The following DLGAP2 variants were observed in gnomAD, a reference collection of about 807,000 sequenced individuals.
DLGAP2 encodes DLG associated protein 2.
Under a neutral mutation model 100.3 loss-of-function variants are expected in DLGAP2, and 26 were observed. The observed-to-expected ratio is 0.26, with a 90% CI of 0.19 to 0.36. The LOEUF (loss-of-function observed/expected upper bound fraction) is 0.36. Among genes scored for constraint, DLGAP2 ranks in the 10% least tolerant of loss-of-function variants. The probability of loss-of-function intolerance (pLI) is 1.00; values close to 1 mark genes in which losing one functional copy is unlikely to be tolerated. For missense variants in DLGAP2, 1,858 were observed against 1,453.2 expected, an observed-to-expected ratio of 1.28 and a Z score of -4.53; for synonymous variants, 886 against 630.1, an observed-to-expected ratio of 1.41 and a Z score of -6.08.
intron 3 of DLGAP2, among the ~76,000 whole-genome samples, chr8:1,282,922 C>A (rs7829934): frequency 9.4e-6 from 1 of 106,536 alleles, no homozygotes; most frequent in African/African-American, 3.0e-5. Flanking sequence ...AGCACGTGAA[C>A]CATCCAGACA....
intron 8 of DLGAP2, among the ~76,000 whole-genome samples, chr8:1,657,283 T>C (rs1312051163): frequency 1.3e-5 from 2 of 152,228 alleles, no homozygotes; most frequent in Non-Finnish European, 2.9e-5. Flanking sequence ...CATTGCTAAA[T>C]TAAATTTTGA....
At chr8:789,442 AT>A (rs1359693643) in intron 1 of DLGAP2, among the ~76,000 whole-genome samples, 3 of 152,148 alleles carry the variant, frequency 2.0e-5, no homozygotes, top group Non-Finnish European at 2.9e-5. Context: ...GCAAGGGGAA[AT>A]CCACCCCTGT....
chr8:1,424,959 T>C (rs1319233159), intron 3 of DLGAP2, among the ~76,000 whole-genome samples: 1 of 152,174 alleles, frequency 6.6e-6, no homozygotes, highest in African/African-American at 2.4e-5. Flanking sequence ...CAGTGATGGC[T>C]GCACAACAAT....
intron 2 of DLGAP2, among the ~76,000 whole-genome samples, chr8:938,708 G>C (rs535515871): frequency 6.6e-6 from 1 of 152,208 alleles, no homozygotes; most frequent in Non-Finnish European, 1.5e-5. Context: ...CTCAGCTTGT[G>C]GGGGGCTGTG....
At chr8:941,407 C>A (rs1799192324) in intron 2 of DLGAP2, among the ~76,000 whole-genome samples, 1 of 152,118 alleles carries the variant, frequency 6.6e-6, no homozygotes, top group South Asian at 2.1e-4. Context: ...GCTTTGTCAG[C>A]CAAGGGTCTG....
At chr8:1,411,932 G>C (rs970245927) in intron 3 of DLGAP2, among the ~76,000 whole-genome samples, 1 of 152,142 alleles carries the variant, frequency 6.6e-6, no homozygotes, top group Non-Finnish European at 1.5e-5. Flanking sequence ...ATGCTTCCAC[G>C]CCAGTATCCT....
At chr8:1,264,381 C>T (rs934589745) in intron 3 of DLGAP2, among the ~76,000 whole-genome samples, 6 of 152,076 alleles carry the variant, frequency 3.9e-5, no homozygotes, top group Non-Finnish European at 7.4e-5. Context: ...CCAGCTTCCC[C>T]GTTTGTGAGA....
chr8:1,008,494 A>G (rs1801185381), intron 2 of DLGAP2, among the ~76,000 whole-genome samples: 1 of 152,260 alleles, frequency 6.6e-6, no homozygotes, highest in African/African-American at 2.4e-5. Context: ...ATTTGTATAT[A>G]AAATCATATT....
intron 1 of DLGAP2, among the ~76,000 whole-genome samples, chr8:893,555 G>C (rs1376636435): frequency 6.6e-6 from 1 of 152,216 alleles, no homozygotes; most frequent in Admixed American, 6.5e-5. Context: ...TGCGGTCTTG[G>C]ATGAAGCTGC....
At chr8:774,604 G>T (rs1388902966) in intron 1 of DLGAP2, among the ~76,000 whole-genome samples, 1 of 150,048 alleles carries the variant, frequency 6.7e-6, no homozygotes, top group Non-Finnish European at 1.5e-5. Flanking sequence ...ATTAAATAGG[G>T]AATCCTTTCC....
At chr8:1,531,241 C>CGTGTGT (rs58738870) in intron 4 of DLGAP2, among the ~76,000 whole-genome samples, 5,318 of 143,168 alleles carry the variant, frequency 0.037, 294 homozygotes, top group African/African-American at 0.12. Flanking sequence ...AGAGCGTGTG[C>CGTGTGT]GTGTGTGTGT....
intron 2 of DLGAP2, among the ~76,000 whole-genome samples, chr8:965,464 G>A (rs56228829): frequency 1.6e-5 from 1 of 61,170 alleles, no homozygotes; most frequent in Non-Finnish European, 3.0e-5. Flanking sequence ...TCCTGAGTCT[G>A]ACCCCGCACT....
chr8:1,116,615 GC>G lies in DLGAP2; in HGVS notation c.74-142235del, dbSNP rs541778204. Among the ~76,000 whole-genome samples, 13 of 152,178 alleles carry G rather than the reference GC, an allele frequency of 8.5e-5. No individual in the cohort carries two copies. The South Asian group carries it at 2.7e-3, about 32-fold the overall frequency. ...ATTTGAGACCAGCCTGGGCAACTTG[GC>G]AAAACCCCATCTCTACAAAAAAATA... On this transcript the variant is annotated intron_variant, in intron 2 of 14. Transcript: ENST00000637795.
chr8:1,323,880 A>T (rs1800963605), intron 3 of DLGAP2, among the ~76,000 whole-genome samples: 1 of 152,204 alleles, frequency 6.6e-6, no homozygotes, highest in Non-Finnish European at 1.5e-5. Flanking sequence ...AGGGCATTTC[A>T]TGGATCACGT....
chr8:1,522,598 C>T (rs1427544575), intron 4 of DLGAP2, among the ~76,000 whole-genome samples: 9 of 152,216 alleles, frequency 5.9e-5, no homozygotes, highest in Non-Finnish European at 7.3e-5. Context: ...GCACAGGTTT[C>T]CTCATGTGGC....
chr8:1,256,010 TG>T (rs1799200514), intron 2 of DLGAP2, among the ~76,000 whole-genome samples: 2 of 126,254 alleles, frequency 1.6e-5, no homozygotes, highest in African/African-American at 6.5e-5. Flanking sequence ...GCCTGGGTGC[TG>T]TGTGTGTGTC....
At chr8:1,240,703 A>G (rs1380934095) in intron 2 of DLGAP2, among the ~76,000 whole-genome samples, 1 of 149,364 alleles carries the variant, frequency 6.7e-6, no homozygotes, top group Admixed American at 6.7e-5. Context: ...GTTCTCTCAC[A>G]TGGTGACGTG....
chr8:1,575,436 G>C (rs543544780), intron 6 of DLGAP2, among the ~76,000 whole-genome samples: 1 of 137,622 alleles, frequency 7.3e-6, no homozygotes, highest in Non-Finnish European at 1.6e-5. Context: ...ACCACCCTCC[G>C]TGAGACAGGA....
At chr8:1,485,560 T>C (rs772743947) in intron 3 of DLGAP2, among the ~76,000 whole-genome samples, 1 of 152,186 alleles carries the variant, frequency 6.6e-6, no homozygotes, top group Non-Finnish European at 1.5e-5. Flanking sequence ...GTTGCGTCCA[T>C]GTGAAGATGG....
Sources: gnomAD v4.1 joint callset for allele counts (sites outside exome capture counted in the v4.1 genomes callset) on GRCh38, gnomAD v4.1.1 for gene constraint, MANE v1.5 for transcripts, NCBI Gene and HGNC (gene_info 2026-07-23, HGNC 2026-07-21) for gene names.